MAF: variants seen among roughly 807,000 people sequenced by gnomAD.
MAF encodes the protein transcription factor Maf.
A neutral mutation model predicts 22.0 loss-of-function variants in MAF; 10 were observed. The observed-to-expected ratio is 0.45, with a 90% CI of 0.28 to 0.77. MAF has a LOEUF of 0.77. MAF is among the 30% of genes least tolerant of loss of function. The pLI is 0.12. For missense variants in MAF, 544 were observed against 548.4 expected (o/e 0.99, Z 0.08); for synonymous variants, 337 against 255.8 (o/e 1.32, Z -3.03).
chr16:79,598,073 G>A lies in MAF; in HGVS notation c.1118+712C>T. ...CTAAAAAAAAAACCCGATGGAACTC[G>A]GCACGCTGCAAGTCTATAACATTTC... On this transcript the variant is annotated intron_variant, in intron 1 of 1. Transcript: ENST00000326043. The A allele has an allele frequency of 9.6e-6, 10 of 1,043,324 alleles. No homozygotes were observed. The South Asian group carries it at 1.4e-4, about 14-fold the overall frequency. The allele number at this position is 1,043,324 out of a possible 1,614,324, so 64.6% of individuals were successfully genotyped here.
chr16:79,597,535 C>A, intron 1 of MAF: 6 of 1,023,224 alleles, frequency 5.9e-6, no homozygotes, highest in African/African-American at 5.1e-5. Flanking sequence ...AAATGTGTAA[C>A]CCATTCTGGT....
At chr16:79,291,387 G>C in the MAF span, among the ~76,000 whole-genome samples, 1 of 152,116 alleles carries the variant, frequency 6.6e-6, no homozygotes, top group Non-Finnish European at 1.5e-5. Flanking sequence ...AGTTTCCATT[G>C]TACAGCCACT....
the MAF span, chr16:79,212,202 T>G: frequency 3.8e-5 from 55 of 1,450,556 alleles, no homozygotes; most frequent in Non-Finnish European, 1.3e-5. Context: ...TTCTCCTACT[T>G]AGGGAAGAAA....
the MAF span, chr16:79,206,019 T>G: frequency 6.6e-6 from 1 of 152,226 alleles, no homozygotes; most frequent in Non-Finnish European, 1.5e-5. Flanking sequence ...TCGGACGACC[T>G]TTTTAGTAAG....
chr16:79,302,812 C>T, the MAF span, among the ~76,000 whole-genome samples: 1 of 152,226 alleles, frequency 6.6e-6, no homozygotes, highest in East Asian at 1.9e-4. Flanking sequence ...GCATTGCCAC[C>T]AGTGTGCAGC....
the MAF span, among the ~76,000 whole-genome samples, chr16:79,413,951 C>A: frequency 6.6e-6 from 1 of 152,132 alleles, no homozygotes; most frequent in Admixed American, 6.5e-5. Flanking sequence ...AGCTTTGGGG[C>A]CAACACACCT....
the MAF span, among the ~76,000 whole-genome samples, chr16:79,569,488 G>C: frequency 4.6e-5 from 7 of 152,228 alleles, no homozygotes; most frequent in South Asian, 4.1e-4. Context: ...AGGTTCTCAA[G>C]TGCTCAAATG....
At chr16:79,392,084 G>C in the MAF span, among the ~76,000 whole-genome samples, 4 of 149,576 alleles carry the variant, frequency 2.7e-5, no homozygotes, top group Non-Finnish European at 4.4e-5. Flanking sequence ...GAGATGCAGA[G>C]AAAGAAAAGA....
the MAF span, among the ~76,000 whole-genome samples, chr16:79,391,483 G>A: frequency 6.6e-6 from 1 of 152,154 alleles, no homozygotes; most frequent in African/African-American, 2.4e-5. Context: ...TTTCATGGCA[G>A]TTAAGATTAT....
At chr16:79,595,594 A>G in intron 1 of MAF, 1 of 1,058,952 alleles carries the variant, frequency 9.4e-7, no homozygotes, top group Middle Eastern at 4.2e-4. Flanking sequence ...AAAATAGGTC[A>G]GCGCTTAGGA....
chr16:79,536,457 A>C, the MAF span, among the ~76,000 whole-genome samples: 1 of 152,198 alleles, frequency 6.6e-6, no homozygotes, highest in Non-Finnish European at 1.5e-5. Context: ...AGCCTGGCTA[A>C]TATGGTGAAA....
chr16:79,353,651 G>A, the MAF span, among the ~76,000 whole-genome samples: 1 of 152,112 alleles, frequency 6.6e-6, no homozygotes, highest in African/African-American at 2.4e-5. Context: ...TAAGAGCCCT[G>A]TAAGGTGGGC....
chr16:79,350,873 G>A, the MAF span, among the ~76,000 whole-genome samples: 1 of 93,416 alleles, frequency 1.1e-5, no homozygotes, highest in South Asian at 3.2e-4. Flanking sequence ...AGAAGTGTGT[G>A]TGTGTGTGTG....
chr16:79,398,915 G>A, the MAF span, among the ~76,000 whole-genome samples: 2 of 152,190 alleles, frequency 1.3e-5, no homozygotes, highest in Non-Finnish European at 2.9e-5. Context: ...TGGCTCCCTG[G>A]AAGAACACAT....
the MAF span, among the ~76,000 whole-genome samples, chr16:79,328,384 TG>T: frequency 1.3e-5 from 2 of 152,132 alleles, no homozygotes; most frequent in African/African-American, 4.8e-5. Flanking sequence ...GGGGGCCACT[TG>T]GTTGTGCTGG....
the MAF span, chr16:79,264,337 C>T: frequency 6.6e-6 from 1 of 152,188 alleles, no homozygotes; most frequent in Non-Finnish European, 1.5e-5. Context: ...CTGTGCTAAA[C>T]ACATTGGGTG....
chr16:79,452,478 C>CA, the MAF span, among the ~76,000 whole-genome samples: 52 of 152,098 alleles, frequency 3.4e-4, no homozygotes, highest in Non-Finnish European at 7.1e-4. Flanking sequence ...CCACTGTGTG[C>CA]ATGCAAATAC....
the MAF span, among the ~76,000 whole-genome samples, chr16:79,222,072 G>C: frequency 6.6e-6 from 1 of 152,066 alleles, no homozygotes; most frequent in Non-Finnish European, 1.5e-5. Flanking sequence ...ATGAAATAAC[G>C]TTGTGGGAGA....
the MAF span, among the ~76,000 whole-genome samples, chr16:79,248,798 C>CA: frequency 0.42 from 62,555 of 147,622 alleles, 14,066 homozygotes; most frequent in Non-Finnish European, 0.52. Context: ...CCAAAATTTA[C>CA]AAAAAAAAAA....
Sources: allele counts gnomAD v4.1 joint callset (sites outside exome capture counted in the v4.1 genomes callset), GRCh38; gene constraint gnomAD v4.1.1; transcripts MANE v1.5; gene names NCBI Gene and HGNC (gene_info 2026-07-23, HGNC 2026-07-21).